The following NKAIN3 variants were observed in gnomAD, a reference collection of about 807,000 sequenced individuals.
NKAIN3 encodes the protein sodium/potassium-transporting ATPase subunit beta-1-interacting protein 3.
A neutral mutation model predicts 30.2 loss-of-function variants in NKAIN3; 25 were observed. That is an observed-to-expected ratio of 0.83 (90% confidence interval 0.60 to 1.16). NKAIN3 has a LOEUF of 1.16. NKAIN3 is among the 50% of genes most tolerant of loss of function. The pLI is 0.00. For missense variants in NKAIN3, 225 were observed against 254.1 expected (o/e 0.89, Z 0.78); for synonymous variants, 91 against 89.6 (o/e 1.02, Z -0.09).
At chr8:62,587,826 G>A (rs1279595129) in intron 2 of NKAIN3, among the ~76,000 whole-genome samples, 3 of 151,936 alleles carry the variant, frequency 2.0e-5, no homozygotes, top group Admixed American at 6.6e-5. Flanking sequence ...TGGTAATTTT[G>A]CCTTTGCAAG....
intron 1 of NKAIN3, among the ~76,000 whole-genome samples, chr8:62,500,139 G>A (rs1490136567): frequency 3.3e-5 from 5 of 152,022 alleles, no homozygotes; most frequent in South Asian, 2.1e-4. Context: ...TCCTCAACCC[G>A]TCTATTTTGC....
At chr8:62,434,205 T>C (rs781003743) in intron 1 of NKAIN3, among the ~76,000 whole-genome samples, 6 of 152,170 alleles carry the variant, frequency 3.9e-5, no homozygotes, top group Non-Finnish European at 8.8e-5. Context: ...CTTAAGACTG[T>C]CCATGAAGTT....
chr8:62,918,423 C>T, intron 4 of NKAIN3, 30 bp from the exon 5 acceptor site: 1 of 1,555,528 alleles, frequency 6.4e-7, no homozygotes, highest in Non-Finnish European at 8.9e-7. Context: ...GGCATAGATT[C>T]TTAAGGTACA....
chr8:62,831,810 A>T (rs1246667912), intron 4 of NKAIN3, among the ~76,000 whole-genome samples: 7 of 152,200 alleles, frequency 4.6e-5, no homozygotes, highest in African/African-American at 1.7e-4. Context: ...ATAATTCAAT[A>T]AAATTTCCTT....
intron 4 of NKAIN3, among the ~76,000 whole-genome samples, chr8:62,827,121 A>C (rs766090699): frequency 4.6e-5 from 7 of 152,222 alleles, no homozygotes; most frequent in Non-Finnish European, 5.9e-5. Flanking sequence ...ATCAATAAAG[A>C]GATAGGAGCT....
intron 1 of NKAIN3, among the ~76,000 whole-genome samples, chr8:62,361,184 T>G (rs16928745): frequency 0.14 from 20,869 of 152,220 alleles, 1,724 homozygotes; most frequent in East Asian, 0.4. Context: ...TATTTAGTTT[T>G]AAAGGAAATA....
At chr8:62,483,707 G>T in intron 1 of NKAIN3, 1 of 303,538 alleles carries the variant, frequency 3.3e-6, no homozygotes. Context: ...AGCCCTTGCC[G>T]AGTCAATAAA....
intron 3 of NKAIN3, among the ~76,000 whole-genome samples, chr8:62,632,468 T>C (rs976305605): frequency 6.6e-6 from 1 of 152,182 alleles, no homozygotes; most frequent in Non-Finnish European, 1.5e-5. Flanking sequence ...AGAAAAGTTA[T>C]TTGAATAGTA....
intron 5 of NKAIN3, among the ~76,000 whole-genome samples, chr8:62,948,268 C>T (rs1197331197): frequency 4.0e-5 from 6 of 151,596 alleles, no homozygotes; most frequent in East Asian, 1.9e-4. Flanking sequence ...GGGGTGATCT[C>T]GGATCACTGC....
chr8:62,424,954 C>T (rs1804761741), intron 1 of NKAIN3, among the ~76,000 whole-genome samples: 2 of 151,770 alleles, frequency 1.3e-5, no homozygotes, highest in Admixed American at 6.6e-5. Flanking sequence ...ATTATTCAAC[C>T]TTAAAAAAGA....
chr8:62,745,322 A>G (rs780357342), intron 3 of NKAIN3, among the ~76,000 whole-genome samples: 1 of 152,238 alleles, frequency 6.6e-6, no homozygotes, highest in African/African-American at 2.4e-5. Context: ...AGCAAAAGTC[A>G]CGTACGGACC....
intron 4 of NKAIN3, among the ~76,000 whole-genome samples, chr8:62,823,543 G>C (rs1040604070): frequency 6.6e-6 from 1 of 152,016 alleles, no homozygotes; most frequent in Non-Finnish European, 1.5e-5. Context: ...TCATACTAAG[G>C]CCCTCAGATT....
intron 5 of NKAIN3, among the ~76,000 whole-genome samples, chr8:62,924,166 T>A (rs921723730): frequency 6.6e-6 from 1 of 152,118 alleles, no homozygotes; most frequent in Non-Finnish European, 1.5e-5. Context: ...ACCAAGAGCT[T>A]TCATACCCAG....
chr8:62,853,190 T>A (rs951726941), intron 4 of NKAIN3, among the ~76,000 whole-genome samples: 1 of 152,318 alleles, frequency 6.6e-6, no homozygotes, highest in African/African-American at 2.4e-5. Flanking sequence ...GTTGAATTGA[T>A]CCCTTTAGCA....
At chr8:62,266,950 C>T (rs1812627429) in intron 1 of NKAIN3, among the ~76,000 whole-genome samples, 1 of 152,236 alleles carries the variant, frequency 6.6e-6, no homozygotes, top group African/African-American at 2.4e-5. Context: ...CTGCAAGGAG[C>T]AGGATCTCTG....
chr8:62,625,408 C>A (rs1005403657), intron 3 of NKAIN3, among the ~76,000 whole-genome samples: 2 of 152,116 alleles, frequency 1.3e-5, no homozygotes, highest in Non-Finnish European at 2.9e-5. Flanking sequence ...GAAACCTAGA[C>A]TCCTCCCACT....
intron 1 of NKAIN3, among the ~76,000 whole-genome samples, chr8:62,502,665 C>A (rs908793195): frequency 6.6e-6 from 1 of 152,132 alleles, no homozygotes; most frequent in African/African-American, 2.4e-5. Flanking sequence ...ATCTCAGACA[C>A]TTCTCCAGCC....
At chr8:62,343,939 T>C (rs932147718) in intron 1 of NKAIN3, among the ~76,000 whole-genome samples, 1 of 152,166 alleles carries the variant, frequency 6.6e-6, no homozygotes, top group African/African-American at 2.4e-5. Flanking sequence ...ATATGGTCAA[T>C]GTATAATTAG....
intron 4 of NKAIN3, among the ~76,000 whole-genome samples, chr8:62,760,325 G>T (rs192051646): frequency 2.0e-5 from 3 of 152,202 alleles, no homozygotes; most frequent in African/African-American, 4.8e-5. Flanking sequence ...ACACATGCAC[G>T]TGTATGTTTA....
Sources: gnomAD v4.1 joint callset for allele counts (sites outside exome capture counted in the v4.1 genomes callset) on GRCh38, gnomAD v4.1.1 for gene constraint, MANE v1.5 for transcripts, NCBI Gene and HGNC (gene_info 2026-07-23, HGNC 2026-07-21) for gene names.